NFAT5: variants seen among roughly 807,000 people sequenced by gnomAD.
NFAT5 encodes nuclear factor of activated T-cells 5.
NFAT5 carries 31 observed loss-of-function variants against 166.5 expected under a neutral mutation model. The observed-to-expected ratio is 0.19, with a 90% CI of 0.14 to 0.25. The LOEUF is 0.25. Ranked by LOEUF, NFAT5 falls within the 10% of genes least tolerant of loss-of-function variation. NFAT5 has a pLI of 1.00. For missense variants in NFAT5, 1,449 were observed against 1,821.8 expected, an observed-to-expected ratio of 0.80 and a Z score of 3.72; for synonymous variants, 612 against 639.7, an observed-to-expected ratio of 0.96 and a Z score of 0.65.
intron 2 of NFAT5, among the ~76,000 whole-genome samples, chr16:69,606,609 C>A (rs1421462110): frequency 6.6e-6 from 1 of 152,114 alleles, no homozygotes; most frequent in Non-Finnish European, 1.5e-5. Context: ...AATCCCAGCA[C>A]TTTGGGAGGC....
chr16:69,601,230 C>T (rs1313633302), intron 2 of NFAT5, among the ~76,000 whole-genome samples: 9 of 152,076 alleles, frequency 5.9e-5, no homozygotes, highest in Admixed American at 5.9e-4. Context: ...CTTATTCTTT[C>T]AGGCGTCTCT....
intron 11 of NFAT5, chr16:69,690,440 A>C (rs766197267): frequency 6.6e-6 from 1 of 152,230 alleles, no homozygotes; most frequent in Non-Finnish European, 1.5e-5. Context: ...AAAATTTATT[A>C]ATCACTGGGT....
Position 69,691,124 on chromosome 16 carries a change from T to C in NFAT5, c.1923+36T>C, listed in dbSNP as rs1257472024. On this transcript the variant is annotated intron_variant, in intron 12 of 14. Transcript: ENST00000349945. The stretch of plus-strand genomic sequence containing the variant: ...TTGACTAGTGCACAAACCTCCTATA[T>C]AAAAATTGCTGTCTTTTACTTTTCC... 4 of 1,461,244 alleles carry C rather than the reference T, an allele frequency of 2.7e-6. No homozygotes were observed. In the South Asian group the frequency reaches 4.7e-5, roughly 17 times the overall value. The allele number at this position is 1,461,244 out of a possible 1,614,324, so 90.5% of individuals were successfully genotyped here.
At chr16:69,673,378 T>C (rs2036701405) in intron 9 of NFAT5, among the ~76,000 whole-genome samples, 1 of 152,200 alleles carries the variant, frequency 6.6e-6, no homozygotes, top group South Asian at 2.1e-4. Context: ...GAATTGATTC[T>C]AGAGATTATA....
chr16:69,606,853 GAAC>G (rs919413842), intron 2 of NFAT5, among the ~76,000 whole-genome samples: 2 of 151,958 alleles, frequency 1.3e-5, no homozygotes, highest in African/African-American at 2.4e-5. Context: ...GACTGTCTCA[GAAC>G]AACAACAACA....
At chr16:69,679,634 C>T (rs2036973732) in intron 10 of NFAT5, among the ~76,000 whole-genome samples, 1 of 151,852 alleles carries the variant, frequency 6.6e-6, no homozygotes, top group Non-Finnish European at 1.5e-5. Flanking sequence ...AAATAAATAA[C>T]CTTGATATTT....
chr16:69,684,080 CAA>C (rs1379028407), intron 10 of NFAT5, among the ~76,000 whole-genome samples: 6 of 151,460 alleles, frequency 4.0e-5, no homozygotes, highest in South Asian at 2.1e-4. Context: ...GCCTGGGTAA[CAA>C]GAGCGAAACT....
rs1040462793 is a variant in NFAT5 at position 69,692,180 on chromosome 16, T to C, written c.2355T>C (p.Ser785=). ...ISSNIFPSPN[S]VSQLQNTIQQ... is the part of the protein sequence containing the mutation. ...CAAATATTTTTCCATCACCAAATAG[T>C]GTGAGTCAGCTTCAGAATACTATTC... The change falls in exon 13 of 15, where the codon AGT becomes AGC. Residue 785 remains serine (S), a synonymous_variant. Coordinates refer to ENST00000349945, the MANE Select transcript of NFAT5 (RefSeq NM_138713.4). 2.5e-6 allele frequency: 4 copies of C among 1,614,024 alleles called. No individual in the cohort carries two copies. Among genetic ancestry groups the C allele is most frequent in the African/African-American group, 1.3e-5 (1 of 74,918 alleles).
chr16:69,644,752 G>C, intron 3 of NFAT5: 1 of 418,062 alleles, frequency 2.4e-6, no homozygotes, highest in South Asian at 1.7e-5. Flanking sequence ...TTGCTTTTGG[G>C]TTCATGATTG....
intron 2 of NFAT5, among the ~76,000 whole-genome samples, chr16:69,574,015 G>C (rs1012830790): frequency 1.3e-5 from 2 of 151,806 alleles, no homozygotes; most frequent in African/African-American, 4.8e-5. Flanking sequence ...GGGATTACAA[G>C]GGCGCACCAC....
chr16:69,576,554 A>G (rs556241245), intron 2 of NFAT5, among the ~76,000 whole-genome samples: 1 of 152,194 alleles, frequency 6.6e-6, no homozygotes, highest in African/African-American at 2.4e-5. Flanking sequence ...TTTAACATTT[A>G]GAGGAAGTGA....
Position 69,691,908 on chromosome 16 carries a change from A to G in NFAT5, c.2083A>G (p.Thr695Ala), listed in dbSNP as rs373167377. Residue 695 changes from threonine to alanine, a missense_variant, in exon 13 of 15, where the codon ACT (threonine) becomes GCT (alanine). Around this residue, in one of 7 missense-constraint regions of NFAT5, gnomAD observed 891 missense variants for 993.0 expected, o/e 0.90. Transcript: ENST00000349945. ...PKAYNPETLT[T>A]IQTQDISQPG... is the part of the protein sequence containing the mutation. The stretch of plus-strand genomic sequence containing the variant: ...GGCATACAACCCAGAGACCCTGACA[A>G]CTATTCAAACCCAGGACATCTCACA... The G allele has an allele frequency of 5.6e-6, 9 of 1,614,066 alleles. No individual in the cohort carries two copies. The African/African-American group carries it at 9.3e-5, about 17-fold the overall frequency.
At chr16:69,669,424 A>G (rs2036535962) in intron 7 of NFAT5, among the ~76,000 whole-genome samples, 1 of 152,128 alleles carries the variant, frequency 6.6e-6, no homozygotes, top group Non-Finnish European at 1.5e-5. Flanking sequence ...GTGCATCTGT[A>G]ATCTCAGCTA....
chr16:69,597,919 A>G lies in NFAT5; in HGVS notation c.128-28484A>G, dbSNP rs530086130. Among the ~76,000 whole-genome samples the G allele has an allele frequency of 3.3e-5, 5 of 152,210 alleles. No individual in the cohort carries two copies. In the South Asian group the frequency reaches 1.0e-3, roughly 32 times the overall value. ...GACCTAGTGTGAATAGAGGGTAGAT[A>G]ACTAAGTGAGGATTACCCTTGCTAG... On this transcript the variant is annotated intron_variant, in intron 2 of 14. Coordinates refer to ENST00000349945, the MANE Select transcript of NFAT5 (RefSeq NM_138713.4).
At chr16:69,630,469 C>G (rs2034664953) in intron 3 of NFAT5, among the ~76,000 whole-genome samples, 1 of 152,166 alleles carries the variant, frequency 6.6e-6, no homozygotes, top group Non-Finnish European at 1.5e-5. Flanking sequence ...CCACACTGGG[C>G]CCTCCTCCTC....
chr16:69,649,599 G>A (rs2035585127), intron 4 of NFAT5: 1 of 947,992 alleles, frequency 1.1e-6, no homozygotes, highest in African/African-American at 1.8e-5. Flanking sequence ...CTAGTATATG[G>A]AAATGATGGA....
intron 3 of NFAT5, among the ~76,000 whole-genome samples, chr16:69,646,736 C>T (rs1033610855): frequency 1.3e-5 from 2 of 152,078 alleles, no homozygotes; most frequent in Non-Finnish European, 2.9e-5. Flanking sequence ...ATAGAATGTC[C>T]AGCTGAGGCA....
At chr16:69,676,158 C>G (rs1354852094) in intron 9 of NFAT5, among the ~76,000 whole-genome samples, 1 of 152,112 alleles carries the variant, frequency 6.6e-6, no homozygotes, top group Non-Finnish European at 1.5e-5. Flanking sequence ...CAAATCAGAT[C>G]ATTAGTGAAA....
Position 69,691,751 on chromosome 16 carries a change from T to C in NFAT5, c.1926T>C (p.Thr642=), listed in dbSNP as rs1410818127. The C allele has an allele frequency of 5.0e-6, 8 of 1,601,822 alleles. No homozygotes were observed. The highest frequency in any genetic ancestry group is 4.5e-5 in the East Asian group (2 of 44,804). Residue 642 remains threonine, a splice_region_variant and synonymous_variant, in exon 13 of 15, where the codon ACT becomes ACC. Coordinates refer to ENST00000349945, the MANE Select transcript of NFAT5 (RefSeq NM_138713.4). ...AEKRSSTIFK[T]TKSVGSTQQT... ...ATTTGGGGATTTTTATTTTTTAGAC[T>C]ACAAAGTCTGTTGGATCAACTCAGC...
Sources: gnomAD v4.1 joint callset for allele counts (sites outside exome capture counted in the v4.1 genomes callset) on GRCh38, gnomAD v4.1.1 for gene constraint, gnomAD v4.1.1 regional missense constraint, MANE v1.5 for transcripts, NCBI Gene and HGNC (gene_info 2026-07-23, HGNC 2026-07-21) for gene names.